Variants in ATP5MG observed in about 807,000 individuals in gnomAD.
ATP5MG encodes the protein ATP synthase membrane subunit g, also known as ATP synthase F(0) complex subunit g, mitochondrial.
Under a neutral mutation model 12.7 loss-of-function variants are expected in ATP5MG, and 7 were observed. The observed-to-expected ratio is 0.55, with a 90% CI of 0.31 to 1.04. ATP5MG has a LOEUF of 1.04. Among genes scored for constraint, ATP5MG ranks in the 50% least tolerant of loss-of-function variants. The probability of loss-of-function intolerance (pLI) is 0.05; values close to 1 mark genes in which losing one functional copy is unlikely to be tolerated. For missense variants in ATP5MG, 116 were observed against 126.7 expected (o/e 0.92, Z 0.41); for synonymous variants, 53 against 48.2 (o/e 1.10, Z -0.41).
Position 118,401,607 on chromosome 11 carries a change from CT to C in ATP5MG, c.-57del. 2.5e-6 allele frequency: 4 copies of C among 1,608,438 alleles called. No individual in the cohort carries two copies. The highest frequency in any genetic ancestry group is 2.6e-6 in the Non-Finnish European group (3 of 1,175,060). ...GTGGGACGGGGTCCTGCAGCGGGTC[CT>C]TCCGGCGGGTGACATTCAGCCGGCG... On this transcript the variant is annotated 5_prime_UTR_variant, in exon 1 of 3. Coordinates refer to ENST00000300688, the MANE Select transcript of ATP5MG (RefSeq NM_006476.5).
chr11:118,407,945 G>A (rs956296066), intron 2 of ATP5MG, among the ~76,000 whole-genome samples: 9 of 152,218 alleles, frequency 5.9e-5, no homozygotes, highest in South Asian at 2.1e-4. Context: ...GGCAGATCAC[G>A]AGGTCAGGAG....
intron 2 of ATP5MG, 32 bp downstream of exon 2, chr11:118,407,129 A>C: frequency 6.2e-7 from 1 of 1,612,426 alleles, no homozygotes. Context: ...ACGGATGTGC[A>C]TAACAGAAAA....
intron 1 of ATP5MG, among the ~76,000 whole-genome samples, chr11:118,403,677 C>G (rs141346727): frequency 0.024 from 3,694 of 151,322 alleles, 130 homozygotes; most frequent in African/African-American, 0.083. Flanking sequence ...CCTATAATCC[C>G]AGCTACTCGG....
intron 2 of ATP5MG, 36 bp downstream of exon 2, chr11:118,407,133 CAG>C (rs782476285): frequency 2.0e-5 from 33 of 1,611,496 alleles, no homozygotes; most frequent in Non-Finnish European, 2.5e-5. Flanking sequence ...ATGTGCATAA[CAG>C]AAAATGTCTT....
chr11:118,405,097 C>G (rs1555131875), intron 1 of ATP5MG, among the ~76,000 whole-genome samples: 1 of 152,152 alleles, frequency 6.6e-6, no homozygotes, highest in South Asian at 2.1e-4. Flanking sequence ...CTCCAAGGAA[C>G]CTTAGTTCCT....
intron 1 of ATP5MG, 165 bp downstream of exon 1, chr11:118,401,882 AG>A: frequency 1.3e-6 from 1 of 742,646 alleles, no homozygotes; most frequent in Non-Finnish European, 2.2e-6. Flanking sequence ...ACTCTTTTCT[AG>A]CCTTCCACTC....
At chr11:118,407,339 T>C in intron 2 of ATP5MG, 2 of 516,472 alleles carry the variant, frequency 3.9e-6, no homozygotes, top group Non-Finnish European at 6.4e-6. Context: ...AAAGTGACCA[T>C]TTTTATTGGG....
intron 1 of ATP5MG, chr11:118,405,665 A>T (rs1184082153): frequency 1.0e-6 from 1 of 985,124 alleles, no homozygotes; most frequent in Non-Finnish European, 1.2e-6. Context: ...AGGCATTGGC[A>T]GTTCTGTTTG....
At chr11:118,406,635 A>G in intron 1 of ATP5MG, 1 of 291,624 alleles carries the variant, frequency 3.4e-6, no homozygotes, top group Non-Finnish European at 6.6e-6. Flanking sequence ...ACAGTTAGCT[A>G]GATTTGCCAT....
chr11:118,406,354 T>C (rs982928865), intron 1 of ATP5MG: 2 of 153,354 alleles, frequency 1.3e-5, no homozygotes, highest in African/African-American at 2.4e-5. Flanking sequence ...TTATTTGTGG[T>C]GCCTTTAAAA....
rs1314234883 is a variant in ATP5MG, at chr11:118,409,081, A to G, written c.295A>G (p.Ile99Val). 14 of 1,607,196 alleles carry G rather than the reference A, an allele frequency of 8.7e-6. No individual in the cohort carries two copies. The highest frequency in any genetic ancestry group is 1.1e-5 in the South Asian group (1 of 90,422). ...AGAGATTATAGGCAAGCGGGGCATC[A>G]TTGGCTATGATGTTTGAAGACCAAT... The part of the protein sequence containing the change: ...VGEIIGKRGI[I>V]GYDV Residue 99 changes from isoleucine (I) to valine (V), a missense_variant, in exon 3 of 3, where the codon ATT (isoleucine) becomes GTT (valine). Physicochemically the swap from Ile to Val is conservative, Grantham distance 29. Transcript: ENST00000300688.
intron 1 of ATP5MG, 126 bp from the exon 2 acceptor site, chr11:118,406,811 A>G: frequency 7.1e-7 from 1 of 1,408,756 alleles, no homozygotes; most frequent in South Asian, 1.4e-5. Context: ...CCGGGTGCAC[A>G]TTTGGTACAA....
At position 118,406,970 on chromosome 11, in the gene ATP5MG, C is replaced by T. The variant is rs1378854515; in HGVS notation, c.86C>T (p.Thr29Ile). ...ACTTACTCGAAGCCTCGATTGGCCACATTTTGGTACTACGCCAAGGTTGAG... is the reference window on the plus strand; with the variant it reads ...ACTTACTCGAAGCCTCGATTGGCCATATTTTGGTACTACGCCAAGGTTGAG... ...AVTYSKPRLA[T>I]FWYYAKVELV... The change falls in exon 2 of 3, where the codon ACA becomes ATA. Residue 29 changes from threonine (T) to isoleucine (I), a missense_variant. Physicochemically the swap from Thr to Ile is moderately conservative, Grantham distance 89. Coordinates refer to ENST00000300688, the MANE Select transcript of ATP5MG (RefSeq NM_006476.5). 1.9e-6 allele frequency: 3 copies of T among 1,613,380 alleles called. No homozygotes were observed. The highest frequency in any genetic ancestry group is 4.5e-5 in the East Asian group (2 of 44,858).
At chr11:118,407,383 A>T (rs1948982216) in intron 2 of ATP5MG, 1 of 302,404 alleles carries the variant, frequency 3.3e-6, no homozygotes, top group East Asian at 7.7e-5. Context: ...TAGATAGTAT[A>T]CTAAAATATG....
rs782144573 is a variant in ATP5MG at position 118,406,968 on chromosome 11, C to T, written c.84C>T (p.Ala28=). The change falls in exon 2 of 3, where the codon GCC becomes GCT. Residue 28 remains alanine, a synonymous_variant. Transcript: ENST00000300688. ...TGACTTACTCGAAGCCTCGATTGGC[C>T]ACATTTTGGTACTACGCCAAGGTTG... is the stretch of plus-strand genomic sequence containing the variant. ...AAVTYSKPRL[A]TFWYYAKVEL... 2 of 1,613,054 alleles carry T rather than the reference C, an allele frequency of 1.2e-6. No homozygotes were observed. The highest frequency in any genetic ancestry group is 1.3e-5 in the African/African-American group (1 of 74,832).
In ATP5MG at chr11:118,401,639, G is replaced by C. The variant is rs782028678; in HGVS notation, c.-27G>C. On this transcript the variant is annotated 5_prime_UTR_variant, in exon 1 of 3. Transcript: ENST00000300688. ...CGGGTGACATTCAGCCGGCGGTTCG[G>C]GGCGACGGACTCTCCATTCCAGAAC... 1.1e-5 allele frequency: 18 copies of C among 1,613,904 alleles called. No homozygotes were observed. In the Admixed American group the frequency reaches 2.8e-4, roughly 25 times the overall value.
chr11:118,405,016 C>G (rs1948960999), intron 1 of ATP5MG, among the ~76,000 whole-genome samples: 1 of 152,218 alleles, frequency 6.6e-6, no homozygotes, highest in Non-Finnish European at 1.5e-5. Context: ...TACCGCCTCC[C>G]TTTCTGATAC....
Position 118,409,317 on chromosome 11 carries a change from A to G in ATP5MG, c.*219A>G. On this transcript the variant is annotated 3_prime_UTR_variant, in exon 3 of 3. Coordinates refer to ENST00000300688, the MANE Select transcript of ATP5MG (RefSeq NM_006476.5). ...TGTTTAGCCCGCAATTGGAAAGGAT[A>G]TATGTGGCAATATTAACCTGGTACA... 1 of 248,698 alleles carries G rather than the reference A, an allele frequency of 4.0e-6. No homozygotes were observed. Among genetic ancestry groups the G allele is most frequent in the Non-Finnish European group, 7.7e-6 (1 of 129,296 alleles). 15.4% of individuals were successfully genotyped at this position (248,698 alleles called of 1,614,324 possible). A position where few individuals can be genotyped will look rare whatever the true frequency, so the allele number is the denominator to read the frequency against.
At position 118,409,387 on chromosome 11, in the gene ATP5MG, T is replaced by C. The variant is rs576185559; in HGVS notation, c.*289T>C. The C allele has an allele frequency of 3.0e-3, 517 of 169,722 alleles. 1 individual carries two copies. Among genetic ancestry groups the C allele is most frequent in the Non-Finnish European group, 4.8e-3 (380 of 79,388 alleles). The allele number at this position is 169,722 out of a possible 1,614,324, so 10.5% of individuals were successfully genotyped here. On this transcript the variant is annotated 3_prime_UTR_variant, in exon 3 of 3. Transcript: ENST00000300688. ...TTTTAATTTGAAGGTTTGGAATATA[T>C]ATATTTAAGCTTTATTTCCAGAACA... is the stretch of plus-strand genomic sequence containing the variant.
Sources: allele counts gnomAD v4.1 joint callset (sites outside exome capture counted in the v4.1 genomes callset), GRCh38; gene constraint gnomAD v4.1.1; transcripts MANE v1.5; gene names NCBI Gene and HGNC (gene_info 2026-07-23, HGNC 2026-07-21).